DPYD: variants seen among roughly 807,000 people sequenced by gnomAD.
DPYD encodes dihydropyrimidine dehydrogenase, also known as dihydropyrimidine dehydrogenase [NADP(+)].
Under a neutral mutation model 116.2 loss-of-function variants are expected in DPYD, and 109 were observed. The observed-to-expected ratio is 0.94, with a 90% confidence interval of 0.80 to 1.10. The LOEUF is 1.10. Ranked by LOEUF, DPYD falls within the 50% of genes least tolerant of loss-of-function variation. The pLI is 0.00. For missense variants in DPYD, 1,302 were observed against 1,254.5 expected (o/e 1.04, Z -0.57); for synonymous variants, 440 against 432.0 (o/e 1.02, Z -0.23).
At chr1:97,871,583 T>C (rs1316971203) in intron 2 of DPYD, among the ~76,000 whole-genome samples, 1 of 133,366 alleles carries the variant, frequency 7.5e-6, no homozygotes, top group Non-Finnish European at 1.6e-5. Flanking sequence ...AAGGGAGAAA[T>C]ACAGGCAAAA....
intron 14 of DPYD, among the ~76,000 whole-genome samples, chr1:97,426,359 C>CAAAG (rs879337940): frequency 5.3e-5 from 8 of 151,892 alleles, no homozygotes; most frequent in Middle Eastern, 3.2e-3. Flanking sequence ...TACGTGGTAG[C>CAAAG]AAAGACCATA....
chr1:97,652,585 A>G (rs1658650704), intron 8 of DPYD, among the ~76,000 whole-genome samples: 1 of 152,216 alleles, frequency 6.6e-6, no homozygotes, highest in African/African-American at 2.4e-5. Context: ...AGTAAATAAG[A>G]AAAGCTAAAA....
intron 12 of DPYD, among the ~76,000 whole-genome samples, chr1:97,522,447 G>A (rs1347314549): frequency 6.6e-6 from 1 of 152,144 alleles, no homozygotes; most frequent in African/African-American, 2.4e-5. Flanking sequence ...TGTATGTCGG[G>A]CGTGGTGGCT....
intron 2 of DPYD, among the ~76,000 whole-genome samples, chr1:97,841,710 G>GA (rs202033971): frequency 1.0e-4 from 15 of 147,804 alleles, no homozygotes; most frequent in African/African-American, 1.7e-4. Flanking sequence ...AGTAGCAGGG[G>GA]AAAAAAAAAA....
At chr1:97,227,532 C>A (rs939433325) in intron 19 of DPYD, among the ~76,000 whole-genome samples, 5 of 151,598 alleles carry the variant, frequency 3.3e-5, no homozygotes, top group Admixed American at 6.6e-5. Context: ...AATATGTACA[C>A]CTACTATGTA....
intron 19 of DPYD, among the ~76,000 whole-genome samples, chr1:97,230,793 G>C (rs1570720654): frequency 2.0e-5 from 3 of 152,212 alleles, no homozygotes; most frequent in Admixed American, 2.0e-4. Flanking sequence ...GAGAGAACAA[G>C]AGTGGACAGA....
rs1018532490 is a variant in DPYD at position 97,785,629 on chromosome 1, C to T, written c.233+42485G>A. Reference sequence around the variant, plus strand: ...ACACACCCTGTGTTTATTAATAGATCTTTATGCTGGCCACAAGAGAGATTA... The same window carrying T: ...ACACACCCTGTGTTTATTAATAGATTTTTATGCTGGCCACAAGAGAGATTA... On this transcript the variant is annotated intron_variant, in intron 3 of 22. Coordinates refer to ENST00000370192, the MANE Select transcript of DPYD (RefSeq NM_000110.4). Among the ~76,000 whole-genome samples the T allele has an allele frequency of 4.3e-4, 60 of 139,042 alleles. 1 individual carries two copies. Among genetic ancestry groups the T allele is most frequent in the Admixed American group, 4.2e-3 (57 of 13,436 alleles). 91.2% of individuals were successfully genotyped at this position (139,042 alleles called of 152,430 possible).
At chr1:97,337,592 C>T (rs1315970416) in intron 16 of DPYD, among the ~76,000 whole-genome samples, 1 of 151,986 alleles carries the variant, frequency 6.6e-6, no homozygotes, top group East Asian at 1.9e-4. Context: ...TGATGGCTGA[C>T]CTCCTAGGCC....
chr1:97,817,830 C>A (rs1174658314), intron 3 of DPYD, among the ~76,000 whole-genome samples: 1 of 152,008 alleles, frequency 6.6e-6, no homozygotes, highest in African/African-American at 2.4e-5. Flanking sequence ...ACATTAAAAT[C>A]ATAATGTGGC....
intron 16 of DPYD, among the ~76,000 whole-genome samples, chr1:97,313,860 T>C (rs528138282): frequency 1.5e-4 from 23 of 152,082 alleles, no homozygotes; most frequent in Middle Eastern, 3.4e-3. Context: ...AGACTATTAG[T>C]CTTTTAGGGG....
chr1:97,157,421 T>G (rs1163893165), intron 20 of DPYD, among the ~76,000 whole-genome samples: 1 of 152,152 alleles, frequency 6.6e-6, no homozygotes, highest in Non-Finnish European at 1.5e-5. Flanking sequence ...TTTTTCTTAT[T>G]GGGAAGACTT....
At chr1:97,897,588 T>C (rs1673145538) in intron 1 of DPYD, among the ~76,000 whole-genome samples, 4 of 151,836 alleles carry the variant, frequency 2.6e-5, no homozygotes, top group Admixed American at 2.0e-4. Context: ...ATTTTAGAGT[T>C]TTTATTGCTA....
At chr1:97,831,923 C>A (rs1181688470) in intron 2 of DPYD, among the ~76,000 whole-genome samples, 15 of 151,920 alleles carry the variant, frequency 9.9e-5, no homozygotes, top group Non-Finnish European at 1.8e-4. Context: ...TTAATGCCGA[C>A]CAGACATGCC....
At chr1:97,172,064 G>A (rs772958915) in intron 20 of DPYD, among the ~76,000 whole-genome samples, 2 of 152,132 alleles carry the variant, frequency 1.3e-5, no homozygotes, top group South Asian at 2.1e-4. Context: ...TTGTGTTTAC[G>A]ACCATGATAC....
At chr1:97,301,496 T>G (rs992877239) in intron 18 of DPYD, among the ~76,000 whole-genome samples, 44 of 152,018 alleles carry the variant, frequency 2.9e-4, no homozygotes, top group African/African-American at 9.9e-4. Flanking sequence ...TTTAAGTGCC[T>G]TCTGCACTCT....
intron 19 of DPYD, among the ~76,000 whole-genome samples, chr1:97,223,388 A>AACACACACACAC (rs67855545): frequency 1.5e-4 from 23 of 148,430 alleles, no homozygotes; most frequent in Admixed American, 1.0e-3. Context: ...GATAGAATTA[A>AACACACACACAC]ACACACACAC....
intron 10 of DPYD, chr1:97,586,416 C>T (rs549362820): frequency 7.6e-6 from 1 of 131,702 alleles, no homozygotes; most frequent in Non-Finnish European, 1.6e-5. Flanking sequence ...AGGTAAAAAA[C>T]GTTCACTTTT....
intron 20 of DPYD, among the ~76,000 whole-genome samples, chr1:97,109,651 A>T (rs770650988): frequency 5.3e-5 from 8 of 152,100 alleles, no homozygotes; most frequent in Non-Finnish European, 1.0e-4. Context: ...ATATCCTCCT[A>T]TGCAGAAACA....
intron 20 of DPYD, among the ~76,000 whole-genome samples, chr1:97,140,725 G>C (rs1171002298): frequency 6.6e-6 from 1 of 152,128 alleles, no homozygotes; most frequent in Non-Finnish European, 1.5e-5. Flanking sequence ...GGTTAAAGCA[G>C]AGATTGTTTA....
Sources: allele counts gnomAD v4.1 joint callset (sites outside exome capture counted in the v4.1 genomes callset), GRCh38; gene constraint gnomAD v4.1.1; transcripts MANE v1.5; gene names NCBI Gene and HGNC (gene_info 2026-07-23, HGNC 2026-07-21).